Variants in TENM2 observed in about 807,000 individuals in gnomAD.
TENM2 encodes teneurin-2.
A neutral mutation model predicts 245.2 loss-of-function variants in TENM2; 52 were observed. The observed-to-expected ratio is 0.21, with a 90% CI of 0.17 to 0.27. The LOEUF (loss-of-function observed/expected upper bound fraction) is 0.27. Ranked by LOEUF, TENM2 falls within the 10% of genes least tolerant of loss-of-function variation. The pLI, the probability that TENM2 is intolerant of heterozygous loss-of-function variation, is 1.00. For synonymous variants in TENM2, 1,363 were observed against 1,438.9 expected, an observed-to-expected ratio of 0.95 and a Z score of 1.19; for missense variants, 3,046 against 3,666.8, an observed-to-expected ratio of 0.83 and a Z score of 4.37.
At chr5:167,156,098 A>G in the TENM2 span, among the ~76,000 whole-genome samples, 1 of 152,202 alleles carries the variant, frequency 6.6e-6, no homozygotes, top group South Asian at 2.1e-4. Context: ...TGCCTTTATT[A>G]CTTTGCTGAC....
chr5:167,897,212 C>G (rs1215642189), intron 3 of TENM2, among the ~76,000 whole-genome samples: 1 of 152,064 alleles, frequency 6.6e-6, no homozygotes, highest in Non-Finnish European at 1.5e-5. Context: ...TCCAATTTAG[C>G]AAGCAATGAG....
intron 4 of TENM2, among the ~76,000 whole-genome samples, chr5:167,958,887 A>G (rs952737345): frequency 2.6e-5 from 4 of 151,994 alleles, no homozygotes; most frequent in Non-Finnish European, 4.4e-5. Flanking sequence ...GGGTAACTTG[A>G]CCTTTCTCTC....
At chr5:168,203,480 G>A (rs1362819814) in intron 17 of TENM2, among the ~76,000 whole-genome samples, 2 of 152,164 alleles carry the variant, frequency 1.3e-5, no homozygotes, top group Admixed American at 6.5e-5. Context: ...ACTGTGTAAA[G>A]TTTCAAGGTT....
intron 2 of TENM2, chr5:167,653,943 G>GA (rs1204215739): frequency 5.5e-4 from 83 of 151,572 alleles, no homozygotes; most frequent in African/African-American, 1.8e-3. Context: ...AGGAGATAGA[G>GA]AAAAAAGAAA....
the TENM2 span, among the ~76,000 whole-genome samples, chr5:167,101,181 A>T: frequency 8.5e-5 from 13 of 152,240 alleles, no homozygotes; most frequent in African/African-American, 2.4e-5. Flanking sequence ...CAACAGTGTT[A>T]TAAATGATCT....
intron 9 of TENM2, among the ~76,000 whole-genome samples, chr5:168,112,025 C>A (rs1452789070): frequency 6.6e-6 from 1 of 151,986 alleles, no homozygotes; most frequent in Non-Finnish European, 1.5e-5. Context: ...GTTGCTTGTC[C>A]CTTAATTTTG....
intron 1 of TENM2, among the ~76,000 whole-genome samples, chr5:167,335,342 C>T (rs778244896): frequency 5.9e-5 from 9 of 152,188 alleles, no homozygotes; most frequent in Non-Finnish European, 1.0e-4. Flanking sequence ...ACTCCGCCCC[C>T]ATGATTTATT....
chr5:167,794,824 A>G (rs979333784), intron 2 of TENM2, among the ~76,000 whole-genome samples: 1 of 152,244 alleles, frequency 6.6e-6, no homozygotes, highest in Non-Finnish European at 1.5e-5. Flanking sequence ...CCTGGATTGC[A>G]TCCTGGGACA....
At chr5:168,229,488 GGGGAGAT>G (rs1562309882) in intron 25 of TENM2, 1 of 152,028 alleles carries the variant, frequency 6.6e-6, no homozygotes, top group South Asian at 2.1e-4. Flanking sequence ...TTCAGGTTGC[GGGGAGAT>G]GGGAGAGAGG....
chr5:167,155,513 A>G, the TENM2 span, among the ~76,000 whole-genome samples: 2 of 152,176 alleles, frequency 1.3e-5, no homozygotes, highest in African/African-American at 2.4e-5. Context: ...CCTGTAGAGC[A>G]TCTTGTGCTC....
intron 2 of TENM2, among the ~76,000 whole-genome samples, chr5:167,570,765 C>T (rs1399159497): frequency 6.6e-6 from 1 of 152,104 alleles, no homozygotes; most frequent in Non-Finnish European, 1.5e-5. Flanking sequence ...GTACACAAAT[C>T]AAGAAATGTC....
chr5:168,262,274 G>A, exon 29 of TENM2: 2 of 1,608,252 alleles, frequency 1.2e-6, no homozygotes, highest in Non-Finnish European at 1.7e-6. Context: ...CCGCAAGGTG[G>A]CATCTGTGCT....
At chr5:168,140,616 T>A (rs1439763610) in intron 12 of TENM2, among the ~76,000 whole-genome samples, 1 of 152,204 alleles carries the variant, frequency 6.6e-6, no homozygotes, top group Non-Finnish European at 1.5e-5. Flanking sequence ...TTACAACGTG[T>A]CTCTGCATTG....
At chr5:168,127,003 T>G (rs376468931) in intron 12 of TENM2, 37 bp downstream of exon 14, 33 of 1,507,994 alleles carry the variant, frequency 2.2e-5, no homozygotes, top group African/African-American at 2.8e-5. Context: ...TGTAGATCTA[T>G]AGTGATGGTC....
intron 3 of TENM2, among the ~76,000 whole-genome samples, chr5:167,947,356 T>C (rs1180028403): frequency 1.3e-5 from 2 of 152,202 alleles, no homozygotes. Context: ...AAAATATATT[T>C]CCATTTGACT....
At chr5:167,824,818 A>G (rs1006270805) in intron 2 of TENM2, among the ~76,000 whole-genome samples, 15 of 152,190 alleles carry the variant, frequency 9.9e-5, no homozygotes, top group Admixed American at 6.5e-4. Context: ...AATGTCCACA[A>G]CTAATTCAAC....
intron 2 of TENM2, chr5:167,660,052 C>G (rs1755103009): frequency 6.6e-6 from 1 of 152,116 alleles, no homozygotes; most frequent in Non-Finnish European, 1.5e-5. Context: ...ATTTCTCTGA[C>G]TTTACCATGC....
intron 7 of TENM2, among the ~76,000 whole-genome samples, chr5:168,075,916 A>G (rs997660692): frequency 6.6e-6 from 1 of 152,118 alleles, no homozygotes; most frequent in African/African-American, 2.4e-5. Context: ...CAGGTGACCT[A>G]TTCACTATCA....
intron 2 of TENM2, among the ~76,000 whole-genome samples, chr5:167,874,115 A>G (rs1385623240): frequency 6.6e-6 from 1 of 151,712 alleles, no homozygotes; most frequent in Non-Finnish European, 1.5e-5. Context: ...TTGACTCTAA[A>G]CCCCAACTCC....
Sources: gnomAD v4.1 joint callset for allele counts (sites outside exome capture counted in the v4.1 genomes callset) on GRCh38, gnomAD v4.1.1 for gene constraint, MANE v1.5 for transcripts, NCBI Gene and HGNC (gene_info 2026-07-23, HGNC 2026-07-21) for gene names.